RAD51B: variants seen among roughly 807,000 people sequenced by gnomAD.
The protein encoded by RAD51B is RAD51 paralog B, also known as DNA repair protein RAD51 homolog 2.
Under a neutral mutation model 42.2 loss-of-function variants are expected in RAD51B, and 38 were observed. That is an observed-to-expected ratio of 0.90 (90% CI 0.70 to 1.18). The LOEUF is 1.18. Ranked by LOEUF, RAD51B falls within the 50% of genes most tolerant of loss-of-function variation. The pLI is 0.00. For synonymous variants in RAD51B, 154 were observed against 145.2 expected, an observed-to-expected ratio of 1.06 and a Z score of -0.43; for missense variants, 373 against 400.7, an observed-to-expected ratio of 0.93 and a Z score of 0.59.
chr14:67,857,762 C>G (rs1032126782), intron 4 of RAD51B: 1 of 153,038 alleles, frequency 6.5e-6, no homozygotes, highest in Non-Finnish European at 1.5e-5. Context: ...GGACTTATGA[C>G]AGGGGTATCC....
intron 10 of RAD51B, among the ~76,000 whole-genome samples, chr14:68,547,803 A>C (rs1888315040): frequency 6.6e-6 from 1 of 152,168 alleles, no homozygotes; most frequent in Non-Finnish European, 1.5e-5. Context: ...ACTCCCTGTC[A>C]TTCCTGGCCT....
intron 5 of RAD51B, among the ~76,000 whole-genome samples, chr14:67,870,219 C>T (rs1427846765): frequency 6.6e-6 from 1 of 150,878 alleles, no homozygotes; most frequent in African/African-American, 2.4e-5. Flanking sequence ...CACATAGGCT[C>T]AAAATAAAAG....
At chr14:68,503,115 C>T (rs1885037341) in intron 10 of RAD51B, among the ~76,000 whole-genome samples, 1 of 152,178 alleles carries the variant, frequency 6.6e-6, no homozygotes. Context: ...GAAGTGGAGA[C>T]AACAAAGCAA....
intron 10 of RAD51B, among the ~76,000 whole-genome samples, chr14:68,593,587 C>G (rs1194964391): frequency 6.6e-6 from 1 of 152,178 alleles, no homozygotes; most frequent in Non-Finnish European, 1.5e-5. Flanking sequence ...GGCAAATGGG[C>G]ATGGGACCCT....
intron 8 of RAD51B, among the ~76,000 whole-genome samples, chr14:68,359,690 C>A (rs1164537837): frequency 6.6e-6 from 1 of 152,174 alleles, no homozygotes; most frequent in Non-Finnish European, 1.5e-5. Context: ...TCAAAGGAAT[C>A]ATTTGGAATG....
Position 68,565,657 on chromosome 14 carries a change from C to T in RAD51B, c.1037-28828C>T, listed in dbSNP as rs1889385237. Among the ~76,000 whole-genome samples the T allele has an allele frequency of 6.6e-6, 1 of 152,232 alleles. No individual in the cohort carries two copies. Among genetic ancestry groups the T allele is most frequent in the South Asian group, 2.1e-4 (1 of 4,834 alleles). On this transcript the variant is annotated intron_variant, in intron 10 of 10. Coordinates refer to the RAD51B transcript ENST00000487270. The surrounding 1 kb of genome is among the most constrained non-coding windows in gnomAD (Gnocchi z 4.1). The stretch of plus-strand genomic sequence containing the variant: ...AGAGAGCTAATCTCCTTTACCCCAT[C>T]CTTGCTGCTGTCTCTGTCTCATGGT...
At chr14:68,669,793 T>A (rs1893115270) in intron 11 of RAD51B, among the ~76,000 whole-genome samples, 1 of 152,096 alleles carries the variant, frequency 6.6e-6, no homozygotes, top group Middle Eastern at 3.2e-3. Context: ...ACTCCAGAGC[T>A]AAAGCCCCAG....
intron 10 of RAD51B, among the ~76,000 whole-genome samples, chr14:68,496,720 C>T (rs1257053955): frequency 2.0e-5 from 3 of 152,186 alleles, no homozygotes; most frequent in East Asian, 1.9e-4. Context: ...TAAGAACATT[C>T]GTGATTCATA....
intron 8 of RAD51B, among the ~76,000 whole-genome samples, chr14:68,366,705 T>C (rs1430121520): frequency 6.6e-6 from 1 of 152,328 alleles, no homozygotes; most frequent in East Asian, 1.9e-4. Context: ...CTTTGGGAAC[T>C]GGTAAATAAA....
At chr14:68,037,173 C>T (rs1207980940) in intron 7 of RAD51B, among the ~76,000 whole-genome samples, 1 of 30,192 alleles carries the variant, frequency 3.3e-5, no homozygotes, top group African/African-American at 1.5e-4. Context: ...CCCTCCCCTC[C>T]CCTCCCCTCC....
chr14:68,149,635 A>C (rs1257623633), intron 7 of RAD51B: 1 of 152,236 alleles, frequency 6.6e-6, no homozygotes, highest in South Asian at 2.1e-4. Flanking sequence ...AGGTCCCACT[A>C]TGTGGCTCAG....
intron 7 of RAD51B, among the ~76,000 whole-genome samples, chr14:67,947,765 C>T (rs1460646394): frequency 6.6e-6 from 1 of 152,168 alleles, no homozygotes; most frequent in African/African-American, 2.4e-5. Context: ...TTATCTTCAT[C>T]TGTCAGAAAA....
chr14:68,654,857 C>A (rs960768762), intron 11 of RAD51B, among the ~76,000 whole-genome samples: 2 of 152,214 alleles, frequency 1.3e-5, no homozygotes, highest in African/African-American at 2.4e-5. Flanking sequence ...CATCCCACTG[C>A]CGTTCATGCT....
intron 10 of RAD51B, among the ~76,000 whole-genome samples, chr14:68,608,449 G>A (rs1291052344): frequency 4.6e-5 from 7 of 152,192 alleles, no homozygotes; most frequent in Non-Finnish European, 1.0e-4. Flanking sequence ...TTGCTTGAGC[G>A]TGGTGAGGAA....
intron 7 of RAD51B, among the ~76,000 whole-genome samples, chr14:68,025,280 A>T (rs1364377435): frequency 1.3e-5 from 2 of 152,186 alleles, no homozygotes; most frequent in East Asian, 3.9e-4. Flanking sequence ...ACCTATGTTT[A>T]TCAGGGATAT....
At chr14:68,408,758 A>C (rs1433994064) in intron 8 of RAD51B, among the ~76,000 whole-genome samples, 2 of 152,172 alleles carry the variant, frequency 1.3e-5, no homozygotes, top group Non-Finnish European at 2.9e-5. Flanking sequence ...TAAAAATCAA[A>C]AGATGTGATT....
intron 10 of RAD51B, among the ~76,000 whole-genome samples, chr14:68,585,307 A>G (rs1405271058): frequency 6.6e-6 from 1 of 152,222 alleles, no homozygotes; most frequent in Non-Finnish European, 1.5e-5. Context: ...AATAAGCCCA[A>G]TTCCTGCTTC....
intron 7 of RAD51B, among the ~76,000 whole-genome samples, chr14:68,010,219 G>T (rs1243056512): frequency 6.6e-6 from 1 of 151,830 alleles, no homozygotes; most frequent in Non-Finnish European, 1.5e-5. Flanking sequence ...GCACTAAGGA[G>T]AGTTGTAAGG....
At chr14:67,899,460 G>C (rs1290184934) in intron 7 of RAD51B, among the ~76,000 whole-genome samples, 2 of 152,150 alleles carry the variant, frequency 1.3e-5, no homozygotes, top group Non-Finnish European at 1.5e-5. Flanking sequence ...ATGGTTATAG[G>C]AGAGAAAAGT....
Sources: allele counts gnomAD v4.1 joint callset (sites outside exome capture counted in the v4.1 genomes callset), GRCh38; gene constraint gnomAD v4.1.1; non-coding constraint Gnocchi (gnomAD v3.1); transcripts MANE v1.5; gene names NCBI Gene and HGNC (gene_info 2026-07-23, HGNC 2026-07-21).